Variants in ESRRG observed in about 807,000 individuals in gnomAD.
The protein encoded by ESRRG is estrogen related receptor gamma.
Under a neutral mutation model 44.0 loss-of-function variants are expected in ESRRG, and 13 were observed. The ratio of observed to expected loss-of-function variants is 0.30; its 90% CI spans 0.19 to 0.47. The LOEUF (loss-of-function observed/expected upper bound fraction) is 0.47, where lower values mean the gene tolerates loss of function less well. Among genes scored for constraint, ESRRG ranks in the 20% least tolerant of loss-of-function variants. The pLI is 1.00. For missense variants in ESRRG, 395 were observed against 580.6 expected, an observed-to-expected ratio of 0.68 and a Z score of 3.29; for synonymous variants, 215 against 214.6, an observed-to-expected ratio of 1.00 and a Z score of -0.02.
Position 216,937,919 on chromosome 1 carries a change from T to TC in ESRRG, c.-14+1662_-14+1663insG, listed in dbSNP as rs543311607. ...AACTGAAATTGGCCTGCTTTATTAT[T>TC]TTTTTTTTTCTTTACGTACTCTGGA... is the stretch of plus-strand genomic sequence containing the variant. On this transcript the variant is annotated intron_variant, in intron 2 of 7. Coordinates refer to the ESRRG transcript ENST00000359162. 2.9e-4 allele frequency among the ~76,000 whole-genome samples: 23 copies of TC among 79,204 alleles called. No homozygotes were observed. In the South Asian group the frequency reaches 7.4e-3, roughly 25 times the overall value. 52.0% of individuals were successfully genotyped at this position (79,204 alleles called of 152,430 possible). A position where few individuals can be genotyped will look rare whatever the true frequency, so the allele number is the denominator to read the frequency against.
chr1:216,679,571 A>T (rs966473242), intron 1 of ESRRG, among the ~76,000 whole-genome samples: 1 of 151,774 alleles, frequency 6.6e-6, no homozygotes, highest in African/African-American at 2.4e-5. Flanking sequence ...CACAGCTATG[A>T]CAATTAACTC....
At chr1:216,941,224 A>G (rs993084866) in intron 1 of ESRRG, among the ~76,000 whole-genome samples, 2 of 152,176 alleles carry the variant, frequency 1.3e-5, no homozygotes, top group African/African-American at 4.8e-5. Context: ...CTGACACTAG[A>G]GGGTCAGAAG....
In ESRRG at chr1:216,618,044, CAA is replaced by C. The variant is rs942908609; in HGVS notation, c.589+32927_589+32928del. 1.2e-4 allele frequency among the ~76,000 whole-genome samples: 19 copies of C among 152,226 alleles called. 1 individual carries two copies. The highest frequency in any genetic ancestry group is 1.2e-3 in the Admixed American group (18 of 15,288). The stretch of plus-strand genomic sequence containing the variant: ...TAACATACAAATTATATTTAACCAT[CAA>C]AAAATTCATTGAAGTACTTATTAGA... On this transcript the variant is annotated intron_variant, in intron 3 of 6. Coordinates refer to ENST00000408911, the MANE Select transcript of ESRRG (RefSeq NM_001438.4).
intron 3 of ESRRG, among the ~76,000 whole-genome samples, chr1:216,595,962 T>C (rs1172361157): frequency 6.6e-6 from 1 of 152,226 alleles, no homozygotes; most frequent in Admixed American, 6.5e-5. Context: ...TGCATGATTT[T>C]GATGCATGCT....
At chr1:217,073,447 A>G (rs2090869649) in intron 1 of ESRRG, among the ~76,000 whole-genome samples, 1 of 152,110 alleles carries the variant, frequency 6.6e-6, no homozygotes, top group African/African-American at 2.4e-5. Context: ...CCTTCTCTCC[A>G]TGCTGTTTAA....
chr1:216,555,586 T>C (rs1307869527), intron 5 of ESRRG, among the ~76,000 whole-genome samples: 1 of 151,958 alleles, frequency 6.6e-6, no homozygotes, highest in Non-Finnish European at 1.5e-5. Flanking sequence ...AAATCACTTC[T>C]CTGCCTGTTT....
intron 1 of ESRRG, among the ~76,000 whole-genome samples, chr1:217,057,611 A>G (rs1485548992): frequency 6.6e-6 from 1 of 152,146 alleles, no homozygotes; most frequent in Non-Finnish European, 1.5e-5. Flanking sequence ...AATGTCAACT[A>G]AACTAGAAAA....
intron 1 of ESRRG, among the ~76,000 whole-genome samples, chr1:216,692,545 G>A (rs2079264497): frequency 6.6e-6 from 1 of 152,012 alleles, no homozygotes; most frequent in East Asian, 1.9e-4. Context: ...AGTAAGCTAG[G>A]GCTAATTTAC....
intron 1 of ESRRG, among the ~76,000 whole-genome samples, chr1:216,697,455 AAT>A (rs999096732): frequency 1.2e-4 from 19 of 152,200 alleles, no homozygotes; most frequent in African/African-American, 4.6e-4. Flanking sequence ...CAATTTACAC[AAT>A]GTTATACCAA....
intron 1 of ESRRG, among the ~76,000 whole-genome samples, chr1:216,983,922 G>A (rs1355466189): frequency 6.6e-6 from 1 of 151,884 alleles, no homozygotes; most frequent in Non-Finnish European, 1.5e-5. Context: ...CCTCCATTTG[G>A]TGAAATATCC....
intron 2 of ESRRG, among the ~76,000 whole-genome samples, chr1:216,788,737 AC>A (rs773485352): frequency 6.6e-6 from 1 of 152,238 alleles, no homozygotes; most frequent in South Asian, 2.1e-4. Context: ...TAAAATGAAA[AC>A]CTTTTTGTAG....
chr1:216,687,368 G>A (rs867761671), intron 1 of ESRRG, among the ~76,000 whole-genome samples: 20 of 152,130 alleles, frequency 1.3e-4, no homozygotes, highest in Admixed American at 1.2e-3. Context: ...GCAAGCAGCG[G>A]GGAGCTGTTG....
chr1:216,954,932 G>T (rs1474996431), intron 1 of ESRRG, among the ~76,000 whole-genome samples: 1 of 152,018 alleles, frequency 6.6e-6, no homozygotes, highest in Non-Finnish European at 1.5e-5. Context: ...TGTAATAATT[G>T]TACATATTTA....
chr1:216,591,662 T>A (rs867723058), intron 3 of ESRRG, among the ~76,000 whole-genome samples: 4 of 152,170 alleles, frequency 2.6e-5, no homozygotes, highest in African/African-American at 9.7e-5. Context: ...GAGCATCTTT[T>A]TGTGCCAGAA....
chr1:216,878,828 A>T (rs2096397644), intron 2 of ESRRG, among the ~76,000 whole-genome samples: 1 of 152,248 alleles, frequency 6.6e-6, no homozygotes, highest in South Asian at 2.1e-4. Flanking sequence ...TTAAATTTTA[A>T]CTTGATAAAA....
At chr1:216,745,048 T>C (rs1406268307) in intron 2 of ESRRG, among the ~76,000 whole-genome samples, 1 of 152,192 alleles carries the variant, frequency 6.6e-6, no homozygotes, top group Non-Finnish European at 1.5e-5. Context: ...TCAATTTTTC[T>C]TTTATAATGG....
At chr1:216,604,851 A>G (rs1376539816) in intron 3 of ESRRG, among the ~76,000 whole-genome samples, 1 of 152,208 alleles carries the variant, frequency 6.6e-6, no homozygotes, top group Non-Finnish European at 1.5e-5. Flanking sequence ...TTAAAACCAC[A>G]AAGTATATCA....
At chr1:216,882,614 A>C (rs1228850667) in intron 2 of ESRRG, among the ~76,000 whole-genome samples, 2 of 152,224 alleles carry the variant, frequency 1.3e-5, no homozygotes, top group Non-Finnish European at 2.9e-5. Flanking sequence ...TTGTGTAGTC[A>C]AGAGTATCTC....
At chr1:216,604,199 T>C (rs1286087226) in intron 3 of ESRRG, among the ~76,000 whole-genome samples, 4 of 152,130 alleles carry the variant, frequency 2.6e-5, no homozygotes, top group African/African-American at 9.7e-5. Context: ...GAGCAAAAAC[T>C]GAACAGGGAT....
Sources: allele counts gnomAD v4.1 joint callset (sites outside exome capture counted in the v4.1 genomes callset), GRCh38; gene constraint gnomAD v4.1.1; transcripts MANE v1.5; gene names NCBI Gene and HGNC (gene_info 2026-07-23, HGNC 2026-07-21).